Variants in CREM observed in about 807,000 individuals in gnomAD.
CREM encodes the protein cAMP responsive element modulator.
In CREM, 13 loss-of-function variants were observed where a neutral mutation model predicts 37.3. The observed-to-expected ratio is 0.35, with a 90% confidence interval of 0.23 to 0.55. The LOEUF is 0.55. Ranked by LOEUF, CREM falls within the 20% of genes least tolerant of loss-of-function variation. The pLI, the probability that CREM is intolerant of heterozygous loss-of-function variation, is 0.88. For synonymous variants in CREM, 124 were observed against 120.2 expected (o/e 1.03, Z -0.21); for missense variants, 296 against 362.3 (o/e 0.82, Z 1.49).
At chr10:35,197,416 C>CTTTA (rs202009348) in intron 6 of CREM, among the ~76,000 whole-genome samples, 15,131 of 142,708 alleles carry the variant, frequency 0.11, 940 homozygotes, top group Non-Finnish European at 0.13. Context: ...TTTCATTTTA[C>CTTTA]TTTATTTATT....
intron 3 of CREM, among the ~76,000 whole-genome samples, chr10:35,165,010 T>C (rs1180264222): frequency 2.9e-5 from 4 of 138,038 alleles, no homozygotes; most frequent in African/African-American, 8.2e-5. Context: ...GTAAGCCAGA[T>C]TGCACCACTG....
At chr10:35,144,551 A>G (rs568516577) in intron 2 of CREM, among the ~76,000 whole-genome samples, 1 of 152,238 alleles carries the variant, frequency 6.6e-6, no homozygotes, top group East Asian at 1.9e-4. Context: ...TGTAGTATTG[A>G]CAAAGGGAAA....
chr10:35,158,837 TA>T (rs1198329337), intron 3 of CREM, among the ~76,000 whole-genome samples: 1 of 142,952 alleles, frequency 7.0e-6, no homozygotes, highest in African/African-American at 2.5e-5. Context: ...TTTTTTTTTT[TA>T]CAGACTTAGA....
At chr10:35,162,482 T>C (rs2093346084) in intron 3 of CREM, among the ~76,000 whole-genome samples, 1 of 152,216 alleles carries the variant, frequency 6.6e-6, no homozygotes, top group African/African-American at 2.4e-5. Context: ...ATTTAACTAT[T>C]ACATAATGTA....
chr10:35,155,830 C>T (rs559874732), intron 3 of CREM, among the ~76,000 whole-genome samples: 27 of 149,670 alleles, frequency 1.8e-4, no homozygotes, highest in South Asian at 1.1e-3. Flanking sequence ...GGGGTTTCAC[C>T]GTGTTAGCCA....
Position 35,207,729 on chromosome 10 carries a change from G to A in CREM, c.755+678G>A, listed in dbSNP as rs576935512. ...GCGGAGCTTGCAGTGAGCTGAGGTC[G>A]CGCCACTGGACTGCAGCCTGGGTGA... On this transcript the variant is annotated intron_variant, in intron 7 of 7. Transcript: ENST00000685392. Among the ~76,000 whole-genome samples the A allele has an allele frequency of 2.6e-3, 399 of 152,124 alleles. 3 individuals are homozygous for A. Among genetic ancestry groups the A allele is most frequent in the African/African-American group, 8.9e-3 (371 of 41,494 alleles).
At chr10:35,129,519 CCT>C (rs1378393513) in intron 1 of CREM, among the ~76,000 whole-genome samples, 1 of 152,184 alleles carries the variant, frequency 6.6e-6, no homozygotes, top group Non-Finnish European at 1.5e-5. Context: ...TATTTCTGAT[CCT>C]TTTTCTCCCA....
intron 3 of CREM, among the ~76,000 whole-genome samples, chr10:35,163,158 C>T (rs779432277): frequency 6.6e-6 from 1 of 151,930 alleles, no homozygotes; most frequent in East Asian, 1.9e-4. Context: ...TGCAGTGATT[C>T]GTGATCATGC....
chr10:35,176,409 C>CTTT (rs773627501), intron 3 of CREM, among the ~76,000 whole-genome samples: 4 of 133,140 alleles, frequency 3.0e-5, no homozygotes, highest in Non-Finnish European at 6.5e-5. Context: ...TTTTTTTCTT[C>CTTT]TTTTTTTTTT....
At chr10:35,157,080 A>G (rs2092959996) in intron 3 of CREM, among the ~76,000 whole-genome samples, 1 of 152,230 alleles carries the variant, frequency 6.6e-6, no homozygotes, top group Admixed American at 6.5e-5. Context: ...GGATGCAAGG[A>G]TGTTTCAACA....
Position 35,179,127 on chromosome 10 carries a change from A to G in CREM, c.267-7A>G. ...TTAGTGACTTACCTTGTTAAATTGTATTTTAGGAAAATACTGAATGAACTG... is the reference window on the plus strand; with the variant it reads ...TTAGTGACTTACCTTGTTAAATTGTGTTTTAGGAAAATACTGAATGAACTG... On this transcript the variant is annotated splice_polypyrimidine_tract_variant and splice_region_variant and intron_variant, in intron 4 of 7. Transcript: ENST00000685392. 1 of 1,606,542 alleles carries G rather than the reference A, an allele frequency of 6.2e-7. No individual in the cohort carries two copies. The highest frequency in any genetic ancestry group is 1.1e-5 in the South Asian group (1 of 89,966).
intron 3 of CREM, chr10:35,158,404 G>GA (rs1188967183): frequency 7.0e-6 from 2 of 286,144 alleles, no homozygotes; most frequent in African/African-American, 4.6e-5. Context: ...ACCGGGGGCT[G>GA]AAGCAGGCCA....
At chr10:35,139,149 A>G (rs781059415) in intron 2 of CREM, among the ~76,000 whole-genome samples, 22 of 150,338 alleles carry the variant, frequency 1.5e-4, no homozygotes, top group Non-Finnish European at 2.4e-4. Context: ...TTTGAGACAC[A>G]GTGTCACTGT....
chr10:35,135,721 GAAAAAAAAAA>G (rs9336981), intron 1 of CREM, among the ~76,000 whole-genome samples: 7 of 50,566 alleles, frequency 1.4e-4, no homozygotes, highest in African/African-American at 1.5e-4. Context: ...CCTATTTCTG[GAAAAAAAAAA>G]AAAAAAAAAA....
intron 3 of CREM, among the ~76,000 whole-genome samples, chr10:35,176,490 C>T (rs1589949826): frequency 6.7e-6 from 1 of 150,226 alleles, no homozygotes; most frequent in Non-Finnish European, 1.5e-5. Flanking sequence ...CCATTGCAAG[C>T]TCCACCTCCC....
chr10:35,136,636 G>A (rs1262904023), intron 1 of CREM, among the ~76,000 whole-genome samples: 2 of 152,058 alleles, frequency 1.3e-5, no homozygotes, highest in Non-Finnish European at 2.9e-5. Context: ...ATTTGACCAG[G>A]ATTATATGAC....
chr10:35,199,088 G>T (rs887976508), intron 6 of CREM, among the ~76,000 whole-genome samples: 1 of 152,262 alleles, frequency 6.6e-6, no homozygotes, highest in Non-Finnish European at 1.5e-5. Flanking sequence ...GGTGGAGGTT[G>T]CAGTGAGCTG....
intron 2 of CREM, among the ~76,000 whole-genome samples, chr10:35,139,632 A>G (rs954119068): frequency 1.3e-5 from 2 of 152,222 alleles, no homozygotes; most frequent in Non-Finnish European, 1.5e-5. Flanking sequence ...TAAGATTAAA[A>G]TACTACATAG....
chr10:35,165,159 A>G (rs1589744898), intron 3 of CREM, among the ~76,000 whole-genome samples: 1 of 152,078 alleles, frequency 6.6e-6, no homozygotes, highest in Non-Finnish European at 1.5e-5. Flanking sequence ...TGCAGGCTGC[A>G]CAAGAAGCAT....
Sources: gnomAD v4.1 joint callset for allele counts (sites outside exome capture counted in the v4.1 genomes callset) on GRCh38, gnomAD v4.1.1 for gene constraint, MANE v1.5 for transcripts, NCBI Gene and HGNC (gene_info 2026-07-23, HGNC 2026-07-21) for gene names.